GFI1: variants seen among roughly 807,000 people sequenced by gnomAD.
GFI1 encodes zinc finger protein Gfi-1.
A neutral mutation model predicts 39.2 loss-of-function variants in GFI1; 15 were observed. The observed-to-expected ratio is 0.38, with a 90% CI of 0.26 to 0.59. The LOEUF (loss-of-function observed/expected upper bound fraction) is 0.59. Ranked by LOEUF, GFI1 falls within the 20% of genes least tolerant of loss-of-function variation. The probability of loss-of-function intolerance (pLI) is 0.62; values close to 1 mark genes in which losing one functional copy is unlikely to be tolerated. For missense variants in GFI1, 475 were observed against 574.0 expected (o/e 0.83, Z 1.76); for synonymous variants, 239 against 254.3 (o/e 0.94, Z 0.57).
chr1:92,481,435 T>A lies in GFI1; in HGVS notation c.299-347A>T, dbSNP rs1385632015. On this transcript the variant is annotated intron_variant, in intron 3 of 6. Coordinates refer to ENST00000294702, the MANE Select transcript of GFI1 (RefSeq NM_005263.5). The surrounding 1 kb of genome is among the most constrained non-coding windows in gnomAD (Gnocchi z 4.3). ...CTACAGGGAAGGGCGCATCTATAAA[T>A]GCCCGTAGTTGAGCTGTTAAGAAGG... 6.6e-6 allele frequency among the ~76,000 whole-genome samples: 1 copy of A among 152,222 alleles called. No homozygotes were observed. The highest frequency in any genetic ancestry group is 1.9e-4 in the East Asian group (1 of 5,190).
Position 92,483,007 on chromosome 1 carries a change from C to T in GFI1, c.155G>A (p.Arg52Gln), listed in dbSNP as rs1200791616. ...SNAGGAKAEP[R>Q]DRLSPESQLT... ...CTGCGATTCGGGGGACAAACGGTCC[C>T]GGGGCTCCGCCTTCGCCCCGCCTGC... Residue 52 changes from arginine (R) to glutamine (Q), a missense_variant, in exon 3 of 7, where the codon CGG becomes CAG. Coordinates refer to ENST00000294702, the MANE Select transcript of GFI1 (RefSeq NM_005263.5). 6.2e-7 allele frequency: 1 copy of T among 1,606,566 alleles called. No homozygotes were observed. Among genetic ancestry groups the T allele is most frequent in the Non-Finnish European group, 8.5e-7 (1 of 1,176,302 alleles).
chr1:92,480,305 A>AT lies in GFI1; in HGVS notation c.924+42dup. On this transcript the variant is annotated intron_variant, in intron 5 of 6. Transcript: ENST00000294702. This position sits in a 1 kb window ranked among gnomAD's most constrained non-coding sequence, Gnocchi z 5.6. ...GTGCTGCACCGAGGAGATGCAGAAGATCCCCGAGCAGGGCCGCGCGCGGCG... is the reference window on the plus strand; with the variant it reads ...GTGCTGCACCGAGGAGATGCAGAAGATTCCCCGAGCAGGGCCGCGCGCGGCG... The AT allele has an allele frequency of 2.6e-6, 4 of 1,537,584 alleles. No individual in the cohort carries two copies. Among genetic ancestry groups the AT allele is most frequent in the Non-Finnish European group, 3.5e-6 (4 of 1,143,468 alleles).
rs1191780751 is a variant in GFI1 at position 92,478,897 on chromosome 1, C to T, written c.925-144G>A. ...TTTCTTTCTTTTTTTGAGACAGTCT[C>T]CTCTGTCGCCCAGGCTTGAGTGCAG... is the stretch of plus-strand genomic sequence containing the variant. On this transcript the variant is annotated intron_variant, in intron 5 of 6. Transcript: ENST00000294702. The T allele has an allele frequency of 9.2e-6, 10 of 1,090,030 alleles. No individual in the cohort carries two copies. In the African/African-American group the frequency reaches 1.6e-4, roughly 17 times the overall value. 67.5% of individuals were successfully genotyped at this position (1,090,030 alleles called of 1,614,324 possible).
In GFI1 at chr1:92,481,614, C is replaced by G. The variant is rs1571218392; in HGVS notation, c.299-526G>C. Among the ~76,000 whole-genome samples, 1 of 152,160 alleles carries G rather than the reference C, an allele frequency of 6.6e-6. No individual in the cohort carries two copies. Among genetic ancestry groups the G allele is most frequent in the Admixed American group, 6.5e-5 (1 of 15,282 alleles). On this transcript the variant is annotated intron_variant, in intron 3 of 6. Coordinates refer to ENST00000294702, the MANE Select transcript of GFI1 (RefSeq NM_005263.5). The surrounding 1 kb of genome is among the most constrained non-coding windows in gnomAD (Gnocchi z 4.3). ...GAGGGAGAAGGTCCATAAATGCGGCCCCGAACTACCCGAAAGGCTGCTGTC... is the reference window on the plus strand; with the variant it reads ...GAGGGAGAAGGTCCATAAATGCGGCGCCGAACTACCCGAAAGGCTGCTGTC...
rs1363507185 is a variant in GFI1, at chr1:92,482,749, G to A, written c.298+115C>T. On this transcript the variant is annotated intron_variant, in intron 3 of 6. Coordinates refer to ENST00000294702, the MANE Select transcript of GFI1 (RefSeq NM_005263.5). The surrounding 1 kb of genome is among the most constrained non-coding windows in gnomAD (Gnocchi z 4.4). ...CCCTACGAATCAGCTCCCTTCTCCC[G>A]GAAAGACTCTCCAACTCCCCGTTAG... is the stretch of plus-strand genomic sequence containing the variant. 9 of 833,920 alleles carry A rather than the reference G, an allele frequency of 1.1e-5. No homozygotes were observed. The South Asian group carries it at 1.1e-4, about 11-fold the overall frequency. 51.7% of individuals were successfully genotyped at this position (833,920 alleles called of 1,614,324 possible). A position where few individuals can be genotyped will look rare whatever the true frequency, so the allele number is the denominator to read the frequency against.
intron 5 of GFI1, 71 bp from the exon 6 acceptor site, chr1:92,478,824 T>C: frequency 6.3e-7 from 1 of 1,589,024 alleles, no homozygotes; most frequent in Non-Finnish European, 8.6e-7. Context: ...TCAACTAGAC[T>C]GCTGCTCTCC....
rs11448559 is a variant in GFI1, at chr1:92,482,424, G to GC, written c.298+439dup. ...AGCCGCGGGCTGAGATTTTCGTCCTGCCCCCTCCCTGCCGCCCAGCGCCTA... is the reference window on the plus strand; with the variant it reads ...AGCCGCGGGCTGAGATTTTCGTCCTGCCCCCCTCCCTGCCGCCCAGCGCCTA... On this transcript the variant is annotated intron_variant, in intron 3 of 6. Transcript: ENST00000294702. The surrounding 1 kb of genome is among the most constrained non-coding windows in gnomAD (Gnocchi z 4.4). Among the ~76,000 whole-genome samples, 108,220 of 151,932 alleles carry GC rather than the reference G, an allele frequency of 0.71. 39,237 individuals carry two copies. The highest frequency in any genetic ancestry group is 0.95 in the East Asian group (4,877 of 5,160).
chr1:92,473,802 T>C lies in GFI1; in HGVS notation c.*2227A>G, dbSNP rs533733998. On this transcript the variant is annotated 3_prime_UTR_variant, in exon 7 of 7. Coordinates refer to ENST00000294702, the MANE Select transcript of GFI1 (RefSeq NM_005263.5). The stretch of plus-strand genomic sequence containing the variant: ...TTATTTTCTGTTTATTCACTTAACA[T>C]CTCAGTAAATATTTATTAATCTCCT... Among the ~76,000 whole-genome samples the C allele has an allele frequency of 6.6e-6, 1 of 152,332 alleles. No homozygotes were observed. The highest frequency in any genetic ancestry group is 6.5e-5 in the Admixed American group (1 of 15,298).
At position 92,474,559 on chromosome 1, in the gene GFI1, A is replaced by G. The variant is rs192697920; in HGVS notation, c.*1470T>C. 1.2e-3 allele frequency among the ~76,000 whole-genome samples: 189 copies of G among 152,354 alleles called. 1 individual carries two copies. Among genetic ancestry groups the G allele is most frequent in the Non-Finnish European group, 1.5e-3 (101 of 68,028 alleles). On this transcript the variant is annotated 3_prime_UTR_variant, in exon 7 of 7. Coordinates refer to ENST00000294702, the MANE Select transcript of GFI1 (RefSeq NM_005263.5). ...CCTCCTAGTTTTTCTCTTATGAAAG[A>G]AGATGAAAGAAGTATCTCTGAGGTG...
Position 92,484,544 on chromosome 1 carries a change from C to T in GFI1, c.-99-958G>A, listed in dbSNP as rs569820085. On this transcript the variant is annotated intron_variant, in intron 1 of 6. Transcript: ENST00000294702. The surrounding 1 kb of genome is among the most constrained non-coding windows in gnomAD (Gnocchi z 4.1). Reference sequence around the variant, plus strand: ...GGTAGTGCACCGACAATTTAGCAGACAAAAAAGACAGGACGCCAGAGCGCG... The same window carrying T: ...GGTAGTGCACCGACAATTTAGCAGATAAAAAAGACAGGACGCCAGAGCGCG... 1 of 152,382 alleles carries T rather than the reference C, an allele frequency of 6.6e-6. No individual in the cohort carries two copies. Among genetic ancestry groups the T allele is most frequent in the Admixed American group, 6.5e-5 (1 of 15,308 alleles). 9.4% of individuals were successfully genotyped at this position (152,382 alleles called of 1,614,324 possible).
chr1:92,484,166 G>C lies in GFI1; in HGVS notation c.-99-580C>G, dbSNP rs1157547872. Among the ~76,000 whole-genome samples the C allele has an allele frequency of 2.6e-5, 4 of 152,182 alleles. No individual in the cohort carries two copies. Among genetic ancestry groups the C allele is most frequent in the African/African-American group, 9.7e-5 (4 of 41,450 alleles). On this transcript the variant is annotated intron_variant, in intron 1 of 6. Transcript: ENST00000294702. This position sits in a 1 kb window ranked among gnomAD's most constrained non-coding sequence, Gnocchi z 4.1. Reference sequence around the variant, plus strand: ...ACTGTGGGGCGGCGGGAGGACAGCAGCAGAGGGATTGGGGACAGCAGAGGC... The same window carrying C: ...ACTGTGGGGCGGCGGGAGGACAGCACCAGAGGGATTGGGGACAGCAGAGGC...
At chr1:92,486,086 C>G (rs1658515116) in intron 1 of GFI1, 1 of 151,948 alleles carries the variant, frequency 6.6e-6, no homozygotes, top group South Asian at 2.1e-4. Flanking sequence ...AGAGACCGCT[C>G]TATCTCTCTG....
At position 92,480,806 on chromosome 1, in the gene GFI1, C is replaced by A. The variant is rs1382705880; in HGVS notation, c.581G>T (p.Gly194Val). ...SCSAGAGATAGPGLGLYGDFG... is the reference protein window; with the variant it reads ...SCSAGAGATAVPGLGLYGDFG... The stretch of plus-strand genomic sequence containing the variant: ...GTCGCCGTAGAGCCCTAGGCCAGGG[C>A]CAGCGGTGGCACCGGCCCCTGCGCT... Residue 194 changes from glycine (G) to valine (V), a missense_variant, in exon 4 of 7, where the codon GGC (glycine) becomes GTC (valine). Transcript: ENST00000294702. This position sits in a 1 kb window ranked among gnomAD's most constrained non-coding sequence, Gnocchi z 5.6. The A allele has an allele frequency of 8.2e-6, 13 of 1,585,536 alleles. No individual in the cohort carries two copies. Among genetic ancestry groups the A allele is most frequent in the African/African-American group, 1.3e-5 (1 of 74,332 alleles).
Position 92,480,345 on chromosome 1 carries a change from T to C in GFI1, c.924+3A>G. 1.3e-6 allele frequency: 2 copies of C among 1,548,764 alleles called. No individual in the cohort carries two copies. Among genetic ancestry groups the C allele is most frequent in the Non-Finnish European group, 1.7e-6 (2 of 1,146,552 alleles). On this transcript the variant is annotated splice_donor_region_variant and intron_variant, in intron 5 of 6. Coordinates refer to ENST00000294702, the MANE Select transcript of GFI1 (RefSeq NM_005263.5). This position sits in a 1 kb window ranked among gnomAD's most constrained non-coding sequence, Gnocchi z 5.6. ...CGCGCGCGGCGGTGCGCCCCGCGCTTACCTGCGAGTGCACGGCTTTGTGCT... is the reference window on the plus strand; with the variant it reads ...CGCGCGCGGCGGTGCGCCCCGCGCTCACCTGCGAGTGCACGGCTTTGTGCT...
In GFI1 at chr1:92,482,065, C is replaced by A. The variant is rs1045037003; in HGVS notation, c.298+799G>T. 5.3e-5 allele frequency among the ~76,000 whole-genome samples: 8 copies of A among 152,226 alleles called. No individual in the cohort carries two copies. The highest frequency in any genetic ancestry group is 3.4e-3 in the Middle Eastern group (1 of 294). On this transcript the variant is annotated intron_variant, in intron 3 of 6. Coordinates refer to ENST00000294702, the MANE Select transcript of GFI1 (RefSeq NM_005263.5). This position sits in a 1 kb window ranked among gnomAD's most constrained non-coding sequence, Gnocchi z 4.4. ...CTTGTCTGGCCACTTGACGCCCTGG[C>A]AGGAAGAATCCTCCCGCCGCCGGCT...
chr1:92,486,701 A>G (rs1029946374), intron 1 of GFI1, 25 bp downstream of exon 1: 1 of 152,166 alleles, frequency 6.6e-6, no homozygotes, highest in Non-Finnish European at 1.5e-5. Flanking sequence ...TTGGGGATAA[A>G]TACGCCCAAC....
Position 92,482,976 on chromosome 1 carries a change from G to A in GFI1, c.186C>T (p.Thr62=). The A allele has an allele frequency of 3.1e-6, 5 of 1,611,904 alleles. No individual in the cohort carries two copies. The highest frequency in any genetic ancestry group is 4.2e-6 in the Non-Finnish European group (5 of 1,178,646). The change falls in exon 3 of 7, where the codon ACC becomes ACT. Residue 62 remains threonine (T), a synonymous_variant. Coordinates refer to ENST00000294702, the MANE Select transcript of GFI1 (RefSeq NM_005263.5). The surrounding 1 kb of genome is among the most constrained non-coding windows in gnomAD (Gnocchi z 4.4). ...ATGCGGAGGCTCTGTCTGGGGCTTC[G>A]GTCAGCTGCGATTCGGGGGACAAAC... is the stretch of plus-strand genomic sequence containing the variant. ...RDRLSPESQL[T]EAPDRASASP... is the part of the protein sequence containing the mutation.
rs1658320788 is a variant in GFI1 at position 92,482,720 on chromosome 1, C to T, written c.298+144G>A. On this transcript the variant is annotated intron_variant, in intron 3 of 6. Coordinates refer to ENST00000294702, the MANE Select transcript of GFI1 (RefSeq NM_005263.5). This position sits in a 1 kb window ranked among gnomAD's most constrained non-coding sequence, Gnocchi z 4.4. The stretch of plus-strand genomic sequence containing the variant: ...AAGTCCCAGAGAAGCCGGATGCCTC[C>T]TTCCCCTACGAATCAGCTCCCTTCT... 1.4e-6 allele frequency: 1 copy of T among 717,234 alleles called. No homozygotes were observed. The highest frequency in any genetic ancestry group is 2.1e-5 in the Admixed American group (1 of 48,404). The allele number at this position is 717,234 out of a possible 1,614,324, so 44.4% of individuals were successfully genotyped here.
At chr1:92,485,611 C>T (rs780365212) in intron 1 of GFI1, among the ~76,000 whole-genome samples, 1 of 152,186 alleles carries the variant, frequency 6.6e-6, no homozygotes, top group African/African-American at 2.4e-5. Flanking sequence ...AAGGCAACCC[C>T]GCGCTGCAGC....
Sources: gnomAD v4.1 joint callset for allele counts (sites outside exome capture counted in the v4.1 genomes callset) on GRCh38, gnomAD v4.1.1 for gene constraint, Gnocchi (gnomAD v3.1) non-coding constraint, MANE v1.5 for transcripts, NCBI Gene and HGNC (gene_info 2026-07-23, HGNC 2026-07-21) for gene names.